Variants in SPAM1 observed in about 807,000 individuals in gnomAD.
The protein encoded by SPAM1 is hyaluronidase PH-20.
SPAM1 carries 22 observed loss-of-function variants against 29.6 expected under a neutral mutation model. The ratio of observed to expected loss-of-function variants is 0.74; its 90% CI spans 0.53 to 1.06. SPAM1 has a LOEUF of 1.06. SPAM1 is among the 50% of genes least tolerant of loss of function. The pLI is 0.00. For synonymous variants in SPAM1, 194 were observed against 204.6 expected, an observed-to-expected ratio of 0.95 and a Z score of 0.44; for missense variants, 534 against 604.0, an observed-to-expected ratio of 0.88 and a Z score of 1.21.
chr7:123,934,946 A>G (rs529461141), intron 1 of SPAM1, among the ~76,000 whole-genome samples: 87 of 152,296 alleles, frequency 5.7e-4, no homozygotes, highest in Non-Finnish European at 1.1e-3. Context: ...TATTGTGACT[A>G]TAGTTAACAA....
intron 1 of SPAM1, among the ~76,000 whole-genome samples, chr7:123,925,700 C>T (rs1473572352): frequency 6.7e-6 from 1 of 148,448 alleles, no homozygotes; most frequent in Non-Finnish European, 1.5e-5. Flanking sequence ...CATGCCACTA[C>T]ACTCCATCCT....
At chr7:123,926,645 C>T (rs1435459026) in intron 1 of SPAM1, among the ~76,000 whole-genome samples, 1 of 152,064 alleles carries the variant, frequency 6.6e-6, no homozygotes, top group Non-Finnish European at 1.5e-5. Context: ...AGACATTAGT[C>T]AAATACGTTT....
chr7:123,956,858 A>G (rs954573545), intron 4 of SPAM1, among the ~76,000 whole-genome samples: 1 of 152,024 alleles, frequency 6.6e-6, no homozygotes, highest in African/African-American at 2.4e-5. Flanking sequence ...TTTGGGAGGT[A>G]GCTTGAAATT....
At chr7:123,943,629 A>G (rs1184472948) in intron 1 of SPAM1, among the ~76,000 whole-genome samples, 1 of 152,184 alleles carries the variant, frequency 6.6e-6, no homozygotes. Flanking sequence ...CAAATAAACC[A>G]AATATCTCTT....
intron 5 of SPAM1, among the ~76,000 whole-genome samples, chr7:123,966,857 A>T (rs374739190): frequency 1.3e-5 from 2 of 152,144 alleles, no homozygotes; most frequent in East Asian, 1.9e-4. Context: ...CATGGCACAC[A>T]TCTACCTATG....
chr7:123,930,059 GA>G (rs1808024051), intron 1 of SPAM1, among the ~76,000 whole-genome samples: 1 of 152,018 alleles, frequency 6.6e-6, no homozygotes, highest in Non-Finnish European at 1.5e-5. Context: ...GAGTAAAGGG[GA>G]AAGGGACATG....
intron 1 of SPAM1, among the ~76,000 whole-genome samples, chr7:123,947,405 C>A (rs969617695): frequency 1.7e-4 from 26 of 151,950 alleles, no homozygotes; most frequent in Admixed American, 6.6e-4. Flanking sequence ...TAAAAATTAT[C>A]CAGGTTTGGT....
chr7:123,937,825 T>C (rs1314418658), intron 1 of SPAM1, among the ~76,000 whole-genome samples: 1 of 152,120 alleles, frequency 6.6e-6, no homozygotes, highest in East Asian at 1.9e-4. Flanking sequence ...TTTAGACATG[T>C]GTTTCATCAG....
At chr7:123,964,541 G>T (rs1277438417), downstream of SPAM1, among the ~76,000 whole-genome samples, 1 of 151,772 alleles carries the variant, frequency 6.6e-6, no homozygotes, top group Non-Finnish European at 1.5e-5. Flanking sequence ...AAGAGACAAG[G>T]TATCTTGCCA....
intron 1 of SPAM1, among the ~76,000 whole-genome samples, chr7:123,938,373 C>G (rs902642740): frequency 6.6e-6 from 1 of 152,114 alleles, no homozygotes; most frequent in Non-Finnish European, 1.5e-5. Context: ...AGTCACCTAT[C>G]CTAAGGAAAA....
intron 4 of SPAM1, among the ~76,000 whole-genome samples, chr7:123,956,819 C>T (rs1792257097): frequency 6.6e-6 from 1 of 151,878 alleles, no homozygotes; most frequent in African/African-American, 2.4e-5. Context: ...TGGTGGTGTA[C>T]TTGATTCCCA....
chr7:123,959,301 A>G (rs1361859801), intron 4 of SPAM1, among the ~76,000 whole-genome samples, 183 bp from the exon 5 acceptor site: 1 of 152,104 alleles, frequency 6.6e-6, no homozygotes, highest in Non-Finnish European at 1.5e-5. Context: ...TGTGAAACTT[A>G]TAAGTCTTAC....
At chr7:123,927,926 T>A (rs1473306835) in intron 1 of SPAM1, among the ~76,000 whole-genome samples, 1 of 152,090 alleles carries the variant, frequency 6.6e-6, no homozygotes, top group African/African-American at 2.4e-5. Context: ...TGACCAGAGG[T>A]TAATTACTAT....
At chr7:123,929,321 G>T (rs938907304) in intron 1 of SPAM1, among the ~76,000 whole-genome samples, 2 of 152,092 alleles carry the variant, frequency 1.3e-5, no homozygotes, top group African/African-American at 2.4e-5. Context: ...CTGGTCATTT[G>T]CAGGAAGGCC....
downstream of SPAM1, among the ~76,000 whole-genome samples, chr7:123,962,149 G>C (rs1486669732): frequency 2.0e-5 from 3 of 151,968 alleles, no homozygotes; most frequent in Non-Finnish European, 4.4e-5. Flanking sequence ...TTCTCACCAA[G>C]AGTTCCCTTT....
At chr7:123,949,321 G>A (rs931468887) in intron 1 of SPAM1, among the ~76,000 whole-genome samples, 1 of 152,090 alleles carries the variant, frequency 6.6e-6, no homozygotes, top group South Asian at 2.1e-4. Flanking sequence ...TAGAAGATCA[G>A]AAATACATAA....
At chr7:123,937,367 C>T (rs571674382) in intron 1 of SPAM1, among the ~76,000 whole-genome samples, 51 of 152,090 alleles carry the variant, frequency 3.4e-4, no homozygotes, top group East Asian at 9.7e-4. Flanking sequence ...TTTGGGAGGC[C>T]AAGGCGGGCG....
intron 3 of SPAM1, 23 bp from the exon 4 acceptor site, chr7:123,954,974 A>C: frequency 6.4e-7 from 1 of 1,559,134 alleles, no homozygotes; most frequent in Non-Finnish European, 8.8e-7. Flanking sequence ...TTATCTGCTA[A>C]CTCTTTCTGT....
intron 1 of SPAM1, among the ~76,000 whole-genome samples, chr7:123,944,350 G>C (rs1326925366): frequency 6.6e-6 from 1 of 152,088 alleles, no homozygotes; most frequent in African/African-American, 2.4e-5. Flanking sequence ...ATGACACAAG[G>C]ACTGTAAAAG....
Sources: allele counts gnomAD v4.1 joint callset (sites outside exome capture counted in the v4.1 genomes callset), GRCh38; gene constraint gnomAD v4.1.1; transcripts MANE v1.5; gene names NCBI Gene and HGNC (gene_info 2026-07-23, HGNC 2026-07-21).